Variants in DPEP1 observed in about 807,000 individuals in gnomAD.
DPEP1 encodes beta-lactamase.
A neutral mutation model predicts 42.3 loss-of-function variants in DPEP1; 50 were observed. The ratio of observed to expected loss-of-function variants is 1.18; its 90% confidence interval spans 0.94 to 1.50. The LOEUF is 1.50. Among genes scored for constraint, DPEP1 ranks in the 40% most tolerant of loss-of-function variants. The pLI is 0.00. For synonymous variants in DPEP1, 297 were observed against 234.0 expected (o/e 1.27, Z -2.46); for missense variants, 663 against 553.0 (o/e 1.20, Z -1.99).
intron 1 of DPEP1, among the ~76,000 whole-genome samples, chr16:89,625,253 G>A (rs1038741124): frequency 1.3e-5 from 2 of 151,964 alleles, no homozygotes; most frequent in Non-Finnish European, 2.9e-5. Context: ...GATTCAGCAC[G>A]AATTGGCCTA....
chr16:89,620,363 C>G (rs930780114), intron 1 of DPEP1, among the ~76,000 whole-genome samples: 1 of 152,022 alleles, frequency 6.6e-6, no homozygotes, highest in Non-Finnish European at 1.5e-5. Context: ...GCTCCCAGGC[C>G]CCCTCCTCTC....
At chr16:89,620,669 C>T (rs1454800393) in intron 1 of DPEP1, 1 of 152,316 alleles carries the variant, frequency 6.6e-6, no homozygotes, top group Non-Finnish European at 1.5e-5. Context: ...TGAACTTGAA[C>T]ACCAGAAACA....
At chr16:89,625,148 C>G (rs1021599322) in intron 1 of DPEP1, among the ~76,000 whole-genome samples, 2 of 152,022 alleles carry the variant, frequency 1.3e-5, no homozygotes, top group African/African-American at 4.8e-5. Flanking sequence ...GCTTTGGCCT[C>G]GGACTCTCTC....
rs116956944 is a variant in DPEP1 at position 89,634,515 on chromosome 16, C to T, written c.105-1393C>T. On this transcript the variant is annotated intron_variant, in intron 2 of 10. Coordinates refer to ENST00000690203, the MANE Select transcript of DPEP1 (RefSeq NM_001389466.1). ...CCAGCTCTGACAGCCCCAGCTCCCC[C>T]TTCCTCTGCGTTCCCCTTCCTTCTC... 1.9e-3 allele frequency among the ~76,000 whole-genome samples: 274 copies of T among 146,418 alleles called. 1 individual carries two copies. Among genetic ancestry groups the T allele is most frequent in the Non-Finnish European group, 3.0e-3 (191 of 64,726 alleles).
chr16:89,636,605 G>C lies in DPEP1; in HGVS notation c.443G>C (p.Ser148Thr). Reference sequence around the variant, plus strand: ...GTGGAGGGCGGCCACTCCATTGACAGCAGTTTGGGCGTCCTGCGGGCACTC... The same window carrying C: ...GTGGAGGGCGGCCACTCCATTGACACCAGTTTGGGCGTCCTGCGGGCACTC... ...IGVEGGHSID[S>T]SLGVLRALYQ... Residue 148 changes from serine to threonine, a missense_variant, in exon 5 of 11, where the codon AGC becomes ACC. Physicochemically the swap from Ser to Thr is moderately conservative, Grantham distance 58. Coordinates refer to ENST00000690203, the MANE Select transcript of DPEP1 (RefSeq NM_001389466.1). 1 of 1,612,650 alleles carries C rather than the reference G, an allele frequency of 6.2e-7. No homozygotes were observed. Among genetic ancestry groups the C allele is most frequent in the Non-Finnish European group, 8.5e-7 (1 of 1,179,972 alleles).
chr16:89,616,861 C>T, intron 1 of DPEP1: 1 of 232,362 alleles, frequency 4.3e-6, no homozygotes, highest in Non-Finnish European at 8.7e-6. Flanking sequence ...AGGAAGCAGG[C>T]AGGAAGTGGG....
At chr16:89,618,947 T>TGCCCCCCC (rs2059410919) in intron 1 of DPEP1, among the ~76,000 whole-genome samples, 1 of 6,522 alleles carries the variant, frequency 1.5e-4, no homozygotes, top group Non-Finnish European at 3.9e-4. Context: ...CCTGCCCCCC[T>TGCCCCCCC]GCTCCCCTCC....
intron 1 of DPEP1, among the ~76,000 whole-genome samples, chr16:89,614,987 C>T (rs1567977614): frequency 6.6e-6 from 1 of 152,126 alleles, no homozygotes; most frequent in African/African-American, 2.4e-5. Flanking sequence ...TGGTGAGGGT[C>T]TAGTAGCCTC....
At chr16:89,637,149 C>T (rs1214722865) in intron 6 of DPEP1, 55 bp from the exon 7 acceptor site, 41 of 1,579,218 alleles carry the variant, frequency 2.6e-5, no homozygotes, top group Non-Finnish European at 1.7e-6. Flanking sequence ...GCCCGTCCAC[C>T]TCCGCAGCCC....
rs545667676 is a variant in DPEP1, at chr16:89,638,398, A to T, written c.*176A>T. ...CCTGGGGACAGTTCAGGACACACAC[A>T]CAGTAGGCCCGCAATAAAAGCAACA... is the stretch of plus-strand genomic sequence containing the variant. On this transcript the variant is annotated 3_prime_UTR_variant, in exon 11 of 11. Coordinates refer to ENST00000690203, the MANE Select transcript of DPEP1 (RefSeq NM_001389466.1). The T allele has an allele frequency of 7.3e-7, 1 of 1,360,710 alleles. No individual in the cohort carries two copies. Among genetic ancestry groups the T allele is most frequent in the African/African-American group, 1.5e-5 (1 of 67,650 alleles). 84.3% of individuals were successfully genotyped at this position (1,360,710 alleles called of 1,614,324 possible).
At chr16:89,633,117 C>G (rs1406283657) in intron 2 of DPEP1, among the ~76,000 whole-genome samples, 3 of 152,166 alleles carry the variant, frequency 2.0e-5, no homozygotes, top group African/African-American at 7.2e-5. Context: ...CCTGCCCAGC[C>G]CCACCCAGGA....
chr16:89,638,017 G>T (rs942237862), intron 10 of DPEP1, 35 bp from the exon 11 acceptor site: 6 of 1,610,142 alleles, frequency 3.7e-6, no homozygotes, highest in African/African-American at 2.7e-5. Flanking sequence ...ACCACCAGCA[G>T]GCAGGCTGCC....
intron 1 of DPEP1, among the ~76,000 whole-genome samples, chr16:89,617,292 G>A (rs1263150079): frequency 6.6e-6 from 1 of 152,152 alleles, no homozygotes; most frequent in Non-Finnish European, 1.5e-5. Flanking sequence ...GTGGAGGTGG[G>A]AGAGGTAGGC....
In DPEP1 at chr16:89,630,394, T is replaced by A. The variant is rs375552153; in HGVS notation, c.-17T>A. The A allele has an allele frequency of 1.7e-5, 28 of 1,604,134 alleles. No homozygotes were observed. The African/African-American group carries it at 3.6e-4, about 21-fold the overall frequency. ...GCACCAGGGCAGCAGTGCACACAGG[T>A]CCCCGGGGACCCCACCATGTGGAGC... is the stretch of plus-strand genomic sequence containing the variant. On this transcript the variant is annotated 5_prime_UTR_variant, in exon 2 of 11. Coordinates refer to ENST00000690203, the MANE Select transcript of DPEP1 (RefSeq NM_001389466.1).
intron 1 of DPEP1, among the ~76,000 whole-genome samples, chr16:89,621,260 G>A (rs943258835): frequency 4.6e-5 from 7 of 151,736 alleles, no homozygotes; most frequent in South Asian, 2.1e-4. Context: ...TGGTGCAGAT[G>A]TGGGCTGTGG....
downstream of DPEP1, among the ~76,000 whole-genome samples, chr16:89,638,859 A>T (rs184393682): frequency 3.0e-3 from 141 of 46,714 alleles, 3 homozygotes; most frequent in African/African-American, 0.01. Flanking sequence ...CCCTGCACAC[A>T]CACACACACC....
chr16:89,628,481 C>T (rs546755366), intron 1 of DPEP1, among the ~76,000 whole-genome samples: 15 of 151,198 alleles, frequency 9.9e-5, no homozygotes, highest in Non-Finnish European at 1.8e-4. Context: ...TGATCTCGAA[C>T]TCCTGACCTC....
Position 89,638,416 on chromosome 16 carries a change from A to C in DPEP1, c.*194A>C. ...CACACACACAGTAGGCCCGCAATAA[A>C]AGCAACACCCCTTCACATCCTGGGG... On this transcript the variant is annotated 3_prime_UTR_variant, in exon 11 of 11. Coordinates refer to ENST00000690203, the MANE Select transcript of DPEP1 (RefSeq NM_001389466.1). 2.3e-6 allele frequency: 3 copies of C among 1,332,860 alleles called. No individual in the cohort carries two copies. Among genetic ancestry groups the C allele is most frequent in the Non-Finnish European group, 1.9e-6 (2 of 1,046,528 alleles). 82.6% of individuals were successfully genotyped at this position (1,332,860 alleles called of 1,614,324 possible). A position where few individuals can be genotyped will look rare whatever the true frequency, so the allele number is the denominator to read the frequency against.
chr16:89,626,736 C>T (rs1029886847), intron 1 of DPEP1, among the ~76,000 whole-genome samples: 4 of 152,150 alleles, frequency 2.6e-5, no homozygotes, highest in African/African-American at 9.7e-5. Context: ...CCTTGCCTCC[C>T]TTTGCCTTCG....
Sources: gnomAD v4.1 joint callset for allele counts (sites outside exome capture counted in the v4.1 genomes callset) on GRCh38, gnomAD v4.1.1 for gene constraint, MANE v1.5 for transcripts, NCBI Gene and HGNC (gene_info 2026-07-23, HGNC 2026-07-21) for gene names.